The following UBE2E2 variants were observed in gnomAD, a reference collection of about 807,000 sequenced individuals.
UBE2E2 encodes the protein ubiquitin conjugating enzyme E2 E2.
UBE2E2 carries 6 observed loss-of-function variants against 24.7 expected under a neutral mutation model. The ratio of observed to expected loss-of-function variants is 0.24; its 90% CI spans 0.13 to 0.48. The LOEUF (loss-of-function observed/expected upper bound fraction) is 0.48. Among genes scored for constraint, UBE2E2 ranks in the 20% least tolerant of loss-of-function variants. UBE2E2 has a pLI of 0.99. For synonymous variants in UBE2E2, 104 were observed against 83.6 expected, an observed-to-expected ratio of 1.24 and a Z score of -1.33; for missense variants, 169 against 245.0, an observed-to-expected ratio of 0.69 and a Z score of 2.07.
At chr3:23,435,997 C>T (rs917265617) in intron 3 of UBE2E2, among the ~76,000 whole-genome samples, 2 of 152,132 alleles carry the variant, frequency 1.3e-5, no homozygotes, top group African/African-American at 4.8e-5. Context: ...CTAGATACCT[C>T]GCACGCACAG....
At chr3:23,301,546 A>T (rs897614541) in intron 3 of UBE2E2, among the ~76,000 whole-genome samples, 2 of 152,104 alleles carry the variant, frequency 1.3e-5, no homozygotes, top group Non-Finnish European at 2.9e-5. Context: ...CTAGAGGTCC[A>T]CTCCAGACCC....
At chr3:23,222,605 C>T (rs1044456332) in intron 3 of UBE2E2, among the ~76,000 whole-genome samples, 1 of 152,168 alleles carries the variant, frequency 6.6e-6, no homozygotes, top group Non-Finnish European at 1.5e-5. Flanking sequence ...TTCACCTTCA[C>T]CATAATTGTG....
intron 3 of UBE2E2, among the ~76,000 whole-genome samples, chr3:23,275,448 G>A (rs1698355377): frequency 6.6e-6 from 1 of 152,206 alleles, no homozygotes; most frequent in African/African-American, 2.4e-5. Context: ...GCTGGGCCTA[G>A]ATCAAATCCT....
intron 4 of UBE2E2, among the ~76,000 whole-genome samples, chr3:23,508,952 T>C (rs1204444163): frequency 6.6e-6 from 1 of 152,172 alleles, no homozygotes; most frequent in Non-Finnish European, 1.5e-5. Context: ...GGGTGACTTT[T>C]CTAAGGAAAG....
At chr3:23,281,751 A>G (rs1167064976) in intron 3 of UBE2E2, among the ~76,000 whole-genome samples, 1 of 152,248 alleles carries the variant, frequency 6.6e-6, no homozygotes, top group Non-Finnish European at 1.5e-5. Flanking sequence ...AATAGAAAAT[A>G]CTATTTCTGA....
chr3:23,361,989 G>T (rs1412928722), intron 3 of UBE2E2, among the ~76,000 whole-genome samples: 1 of 151,892 alleles, frequency 6.6e-6, no homozygotes, highest in Non-Finnish European at 1.5e-5. Flanking sequence ...ATAAATAGTG[G>T]GTACATATCT....
chr3:23,489,545 TCTTA>T (rs1411560489), intron 3 of UBE2E2, among the ~76,000 whole-genome samples: 1 of 152,202 alleles, frequency 6.6e-6, no homozygotes, highest in African/African-American at 2.4e-5. Context: ...AAAGTGAAAC[TCTTA>T]CTGTTTCCAT....
intron 3 of UBE2E2, among the ~76,000 whole-genome samples, chr3:23,494,678 G>C (rs1699568296): frequency 6.6e-6 from 1 of 152,056 alleles, no homozygotes; most frequent in South Asian, 2.1e-4. Flanking sequence ...GAAGAGTCCA[G>C]GTTGCTAAAA....
intron 5 of UBE2E2, among the ~76,000 whole-genome samples, chr3:23,546,101 C>T (rs566882185): frequency 7.6e-4 from 115 of 152,310 alleles, no homozygotes; most frequent in African/African-American, 2.7e-3. Flanking sequence ...GACTTTACCA[C>T]TATACAGTTT....
At position 23,350,861 on chromosome 3, in the gene UBE2E2, A is replaced by G. The variant is rs544101672; in HGVS notation, c.227+133549A>G. Among the ~76,000 whole-genome samples, 344 of 152,334 alleles carry G rather than the reference A, an allele frequency of 2.3e-3. 3 individuals are homozygous for G. The highest frequency in any genetic ancestry group is 7.9e-3 in the African/African-American group (327 of 41,572). ...CCCCAATCTAGCAAGGCAGACCAAC[A>G]TTCAGATTCAGGAAATACAGAGAAC... On this transcript the variant is annotated intron_variant, in intron 3 of 5. Coordinates refer to ENST00000396703, the MANE Select transcript of UBE2E2 (RefSeq NM_152653.4).
At chr3:23,453,619 C>G (rs1358265601) in intron 3 of UBE2E2, among the ~76,000 whole-genome samples, 1 of 152,132 alleles carries the variant, frequency 6.6e-6, no homozygotes, top group Non-Finnish European at 1.5e-5. Flanking sequence ...TTATATATTT[C>G]TGAATCTGGA....
chr3:23,573,723 G>A (rs1696277931), intron 5 of UBE2E2, among the ~76,000 whole-genome samples: 1 of 152,156 alleles, frequency 6.6e-6, no homozygotes, highest in South Asian at 2.1e-4. Context: ...GCTGCTAGGT[G>A]GTTCCTCCAC....
chr3:23,417,816 C>G (rs115462114), intron 3 of UBE2E2, among the ~76,000 whole-genome samples: 2 of 152,164 alleles, frequency 1.3e-5, no homozygotes, highest in Admixed American at 6.5e-5. Flanking sequence ...CTGTGGTGGG[C>G]CCTACCCAGT....
intron 3 of UBE2E2, among the ~76,000 whole-genome samples, chr3:23,437,412 T>C (rs1391148627): frequency 6.6e-6 from 1 of 152,220 alleles, no homozygotes; most frequent in Non-Finnish European, 1.5e-5. Context: ...AGTTTGCTAA[T>C]CTGTAAATCC....
intron 3 of UBE2E2, among the ~76,000 whole-genome samples, chr3:23,314,864 T>A (rs932403405): frequency 6.6e-6 from 1 of 152,210 alleles, no homozygotes; most frequent in Non-Finnish European, 1.5e-5. Context: ...TTTCTCTCAC[T>A]CTTTTTAGTA....
At chr3:23,527,058 T>A (rs1385100617) in intron 4 of UBE2E2, among the ~76,000 whole-genome samples, 2 of 151,948 alleles carry the variant, frequency 1.3e-5, no homozygotes, top group Non-Finnish European at 2.9e-5. Flanking sequence ...CATAAACAAA[T>A]GAAAAAGTGT....
At chr3:23,214,960 A>G (rs1249445343) in intron 2 of UBE2E2, among the ~76,000 whole-genome samples, 2 of 152,120 alleles carry the variant, frequency 1.3e-5, no homozygotes, top group African/African-American at 4.8e-5. Context: ...TTGAAGTAAT[A>G]TCTTTTGATT....
Position 23,591,375 on chromosome 3 carries a change from A to G in UBE2E2, c.*1544A>G, listed in dbSNP as rs901629912. 3.3e-5 allele frequency: 5 copies of G among 152,224 alleles called. No homozygotes were observed. Among genetic ancestry groups the G allele is most frequent in the African/African-American group, 1.2e-4 (5 of 41,454 alleles). 9.4% of individuals were successfully genotyped at this position (152,224 alleles called of 1,614,324 possible). ...ATTTAAAATGCCTGATTCAAAAGATACAGTTTTTGTTGTTTTTAACTAGTT... is the reference window on the plus strand; with the variant it reads ...ATTTAAAATGCCTGATTCAAAAGATGCAGTTTTTGTTGTTTTTAACTAGTT... On this transcript the variant is annotated 3_prime_UTR_variant, in exon 6 of 6. Transcript: ENST00000396703.
At chr3:23,325,932 G>T (rs559377679) in intron 3 of UBE2E2, among the ~76,000 whole-genome samples, 2 of 152,292 alleles carry the variant, frequency 1.3e-5, no homozygotes, top group African/African-American at 2.4e-5. Flanking sequence ...TGAGGGGAAA[G>T]AACAAATATT....
Sources: allele counts gnomAD v4.1 joint callset (sites outside exome capture counted in the v4.1 genomes callset), GRCh38; gene constraint gnomAD v4.1.1; transcripts MANE v1.5; gene names NCBI Gene and HGNC (gene_info 2026-07-23, HGNC 2026-07-21).